MYO10: variants seen among roughly 807,000 people sequenced by gnomAD.
MYO10 encodes myosin X.
A neutral mutation model predicts 257.3 loss-of-function variants in MYO10; 133 were observed. That is an observed-to-expected ratio of 0.52 (90% CI 0.45 to 0.60). The LOEUF (loss-of-function observed/expected upper bound fraction) is 0.60. Among genes scored for constraint, MYO10 ranks in the 20% least tolerant of loss-of-function variants. The pLI is 0.00. For synonymous variants in MYO10, 1,104 were observed against 1,028.6 expected (o/e 1.07, Z -1.40); for missense variants, 2,399 against 2,635.7 (o/e 0.91, Z 1.97).
intron 2 of MYO10, among the ~76,000 whole-genome samples, chr5:16,853,806 G>C (rs571644887): frequency 6.6e-6 from 1 of 152,162 alleles, no homozygotes; most frequent in African/African-American, 2.4e-5. Flanking sequence ...GTCTACGTAA[G>C]TGTGTTCATC....
chr5:16,711,695 T>C (rs1738628691), intron 19 of MYO10, among the ~76,000 whole-genome samples: 1 of 152,000 alleles, frequency 6.6e-6, no homozygotes, highest in Non-Finnish European at 1.5e-5. Flanking sequence ...GGCAGGAGAA[T>C]TGCTTGAACC....
chr5:16,763,958 A>T (rs558240796), intron 12 of MYO10, among the ~76,000 whole-genome samples: 26 of 152,254 alleles, frequency 1.7e-4, no homozygotes, highest in African/African-American at 6.3e-4. Flanking sequence ...CAGCCTGACC[A>T]GCATGGTGCA....
At chr5:16,747,359 A>G (rs1740224952) in intron 19 of MYO10, among the ~76,000 whole-genome samples, 1 of 133,774 alleles carries the variant, frequency 7.5e-6, no homozygotes, top group African/African-American at 4.2e-5. Context: ...CTATGGCAAT[A>G]GTTACGTTTT....
chr5:16,879,803 G>C (rs1382401822), intron 1 of MYO10, among the ~76,000 whole-genome samples: 4 of 152,176 alleles, frequency 2.6e-5, no homozygotes, highest in Non-Finnish European at 5.9e-5. Context: ...ATCTTCCTAG[G>C]AAGGAACATT....
chr5:16,921,913 C>A (rs993316427), intron 1 of MYO10, among the ~76,000 whole-genome samples: 2 of 151,992 alleles, frequency 1.3e-5, no homozygotes, highest in African/African-American at 4.8e-5. Context: ...AAAGACTGAT[C>A]TAGCCAAAAA....
Position 16,666,683 on chromosome 5 carries a change from G to T in MYO10, c.*9C>A, listed in dbSNP as rs534055077. Reference sequence around the variant, plus strand: ...CAGGTAGCAAAGACAGGTGGGCTCTGTCCCGCCTTCACCTGGAGCTGCCCT... The same window carrying T: ...CAGGTAGCAAAGACAGGTGGGCTCTTTCCCGCCTTCACCTGGAGCTGCCCT... On this transcript the variant is annotated 3_prime_UTR_variant, in exon 41 of 41. Transcript: ENST00000513610. 2.5e-6 allele frequency: 4 copies of T among 1,589,182 alleles called. No individual in the cohort carries two copies. In the East Asian group the frequency reaches 9.0e-5, roughly 36 times the overall value.
intron 1 of MYO10, among the ~76,000 whole-genome samples, chr5:16,926,431 G>C (rs140624565): frequency 6.6e-6 from 1 of 152,112 alleles, no homozygotes; most frequent in African/African-American, 2.4e-5. Flanking sequence ...GCCAGGTGGG[G>C]TGGCTCACGC....
At chr5:16,902,539 C>A in intron 1 of MYO10, 3 of 1,582,996 alleles carry the variant, frequency 1.9e-6, no homozygotes, top group South Asian at 2.2e-5. Context: ...TTCTTGATGG[C>A]CTTGTCCTTG....
intron 39 of MYO10, among the ~76,000 whole-genome samples, chr5:16,669,765 G>A (rs1057388072): frequency 5.3e-5 from 8 of 152,020 alleles, no homozygotes; most frequent in East Asian, 1.9e-4. Flanking sequence ...TCAGATATAC[G>A]CTGAATTACT....
chr5:16,682,258 C>T (rs908319156), intron 30 of MYO10, among the ~76,000 whole-genome samples: 2 of 152,194 alleles, frequency 1.3e-5, no homozygotes, highest in African/African-American at 4.8e-5. Context: ...AACATTTCTT[C>T]ATGCAAAACT....
chr5:16,876,370 A>G (rs2562338), intron 2 of MYO10, among the ~76,000 whole-genome samples: 14,756 of 152,136 alleles, frequency 0.097, 1,090 homozygotes, highest in African/African-American at 0.2. Flanking sequence ...TTCATTTTAC[A>G]CTAAAGAAAC....
chr5:16,702,880 C>T (rs1383591693), intron 23 of MYO10, 45 bp downstream of exon 23: 19 of 1,504,928 alleles, frequency 1.3e-5, no homozygotes, highest in Non-Finnish European at 1.7e-5. Context: ...GCACAGCACT[C>T]AAAATGTATC....
intron 2 of MYO10, among the ~76,000 whole-genome samples, chr5:16,861,909 A>G (rs1744119261): frequency 6.6e-6 from 1 of 152,246 alleles, no homozygotes; most frequent in African/African-American, 2.4e-5. Flanking sequence ...TCTCATTAAA[A>G]TATGGCTGGT....
At chr5:16,933,863 TACATC>T (rs1746362193) in intron 1 of MYO10, among the ~76,000 whole-genome samples, 1 of 152,130 alleles carries the variant, frequency 6.6e-6, no homozygotes, top group Non-Finnish European at 1.5e-5. Context: ...GTAATACACA[TACATC>T]ACAAGATTAA....
chr5:16,880,588 G>C (rs1409880188), intron 1 of MYO10, among the ~76,000 whole-genome samples: 1 of 152,136 alleles, frequency 6.6e-6, no homozygotes, highest in Non-Finnish European at 1.5e-5. Flanking sequence ...ATGGAAAATA[G>C]CATCAAAAAT....
At chr5:16,748,718 T>C (rs1231749842) in intron 19 of MYO10, among the ~76,000 whole-genome samples, 10 of 152,104 alleles carry the variant, frequency 6.6e-5, no homozygotes, top group Admixed American at 6.5e-4. Flanking sequence ...TTAAATTCAT[T>C]CATCAAATTA....
At chr5:16,869,760 G>A (rs1213210247) in intron 2 of MYO10, among the ~76,000 whole-genome samples, 1 of 151,268 alleles carries the variant, frequency 6.6e-6, no homozygotes, top group African/African-American at 2.5e-5. Flanking sequence ...AGCTACGTAG[G>A]AGGCTGAGGC....
chr5:16,852,506 CT>C, intron 2 of MYO10, among the ~76,000 whole-genome samples: 1 of 151,940 alleles, frequency 6.6e-6, no homozygotes, highest in South Asian at 2.1e-4. Flanking sequence ...CTTTTAGACA[CT>C]AATCAAATTT....
chr5:16,878,904 C>A (rs970674819), intron 1 of MYO10, among the ~76,000 whole-genome samples: 1 of 151,114 alleles, frequency 6.6e-6, no homozygotes, highest in African/African-American at 2.4e-5. Context: ...GTGATGGGTG[C>A]GCCAGAATCT....
Sources: gnomAD v4.1 joint callset for allele counts (sites outside exome capture counted in the v4.1 genomes callset) on GRCh38, gnomAD v4.1.1 for gene constraint, MANE v1.5 for transcripts, NCBI Gene and HGNC (gene_info 2026-07-23, HGNC 2026-07-21) for gene names.